Variants in PRPF18 observed in about 807,000 individuals in gnomAD.
PRPF18 encodes pre-mRNA processing factor 18.
A neutral mutation model predicts 46.5 loss-of-function variants in PRPF18; 38 were observed. That is an observed-to-expected ratio of 0.82 (90% CI 0.63 to 1.07). The LOEUF is 1.07. PRPF18 is among the 50% of genes least tolerant of loss of function. The pLI, the probability that PRPF18 is intolerant of heterozygous loss-of-function variation, is 0.00. For missense variants in PRPF18, 263 were observed against 410.0 expected, an observed-to-expected ratio of 0.64 and a Z score of 3.10; for synonymous variants, 152 against 146.7, an observed-to-expected ratio of 1.04 and a Z score of -0.26.
chr10:13,639,214 A>G, the PRPF18 span: 1 of 152,238 alleles, frequency 6.6e-6, no homozygotes, highest in African/African-American at 2.4e-5. Context: ...AAGGACAACC[A>G]GGTACTGGAG....
At chr10:13,647,529 A>G in the PRPF18 span, 6 of 152,176 alleles carry the variant, frequency 3.9e-5, no homozygotes, top group Non-Finnish European at 8.8e-5. Flanking sequence ...AGATGTCACT[A>G]GGAAATTTTT....
At position 13,623,085 on chromosome 10, in the gene PRPF18, C is replaced by A. The variant is rs183669336; in HGVS notation, c.948+6532C>A. Among the ~76,000 whole-genome samples the A allele has an allele frequency of 6.6e-3, 1,001 of 152,168 alleles. 7 individuals are homozygous for A. Among genetic ancestry groups the A allele is most frequent in the African/African-American group, 0.023 (954 of 41,504 alleles). ...GCGTGGTGGCAGGCGCCTGTAGTCC[C>A]AGCTACTCGGGAGGCTGAGGCAGGA... On this transcript the variant is annotated intron_variant, in intron 9 of 9. Coordinates refer to ENST00000378572, the MANE Select transcript of PRPF18 (RefSeq NM_003675.4).
At chr10:13,617,754 TATTC>T (rs2080367194) in intron 9 of PRPF18, among the ~76,000 whole-genome samples, 1 of 152,204 alleles carries the variant, frequency 6.6e-6, no homozygotes, top group South Asian at 2.1e-4. Flanking sequence ...ACCTAGCATT[TATTC>T]AAGAATTCTG....
chr10:13,643,075 C>T, the PRPF18 span: 2 of 152,254 alleles, frequency 1.3e-5, no homozygotes, highest in African/African-American at 2.4e-5. Context: ...ACCATTTCAT[C>T]TGTAAGTCAG....
At chr10:13,601,102 C>A (rs1162805394) in intron 3 of PRPF18, among the ~76,000 whole-genome samples, 7 of 152,098 alleles carry the variant, frequency 4.6e-5, no homozygotes, top group African/African-American at 1.7e-4. Flanking sequence ...TTTAAAAAAT[C>A]ATTTATTGAT....
At chr10:13,634,680 G>T (rs2080620211), downstream of PRPF18, among the ~76,000 whole-genome samples, 1 of 152,218 alleles carries the variant, frequency 6.6e-6, no homozygotes, top group South Asian at 2.1e-4. Flanking sequence ...CTCAAAACAA[G>T]TGTATGGAGA....
At chr10:13,649,959 G>A in the PRPF18 span, among the ~76,000 whole-genome samples, 1 of 152,194 alleles carries the variant, frequency 6.6e-6, no homozygotes, top group Admixed American at 6.5e-5. Context: ...TGACCCAGAA[G>A]AGCAGCTTAG....
chr10:13,616,480 C>T lies in PRPF18; in HGVS notation c.875C>T (p.Thr292Ile). 6.2e-7 allele frequency: 1 copy of T among 1,614,052 alleles called. No individual in the cohort carries two copies. Among genetic ancestry groups the T allele is most frequent in the Non-Finnish European group, 8.5e-7 (1 of 1,179,910 alleles). Residue 292 changes from threonine (T) to isoleucine (I), a missense_variant, in exon 9 of 10, where the codon ACT becomes ATT. By Grantham distance (89) the Thr-to-Ile change is moderately conservative (BLOSUM62 -1). Coordinates refer to ENST00000378572, the MANE Select transcript of PRPF18 (RefSeq NM_003675.4). ...ACTATGGTTGGTATCCATGCCAGAA[C>T]TGGCAGAGAAAAGATTTTTTCCAAG... is the stretch of plus-strand genomic sequence containing the variant. ...GVTMVGIHAR[T>I]GREKIFSKHV...
At chr10:13,598,488 T>C (rs538129682) in intron 2 of PRPF18, among the ~76,000 whole-genome samples, 2 of 152,210 alleles carry the variant, frequency 1.3e-5, no homozygotes, top group South Asian at 4.1e-4. Flanking sequence ...GGTATGTATA[T>C]GCATTTGGTT....
At chr10:13,636,544 C>A in the PRPF18 span, among the ~76,000 whole-genome samples, 1 of 152,160 alleles carries the variant, frequency 6.6e-6, no homozygotes, top group African/African-American at 2.4e-5. Context: ...AAATTATTTC[C>A]TAAGACTCAG....
At chr10:13,612,960 A>C (rs192314639) in intron 6 of PRPF18, among the ~76,000 whole-genome samples, 53 of 152,330 alleles carry the variant, frequency 3.5e-4, no homozygotes, top group African/African-American at 1.3e-3. Context: ...TGTTCAGACC[A>C]AGAGATTTAC....
chr10:13,595,098 T>C (rs2080014713), intron 1 of PRPF18, among the ~76,000 whole-genome samples: 1 of 152,248 alleles, frequency 6.6e-6, no homozygotes, highest in Non-Finnish European at 1.5e-5. Flanking sequence ...TTGAAGGCCT[T>C]GCCTTTATTT....
At chr10:13,596,091 A>G (rs1202202760) in intron 1 of PRPF18, among the ~76,000 whole-genome samples, 2 of 152,200 alleles carry the variant, frequency 1.3e-5, no homozygotes, top group Admixed American at 6.5e-5. Flanking sequence ...ACGAAGTTCA[A>G]TCCTTGCATT....
intron 9 of PRPF18, among the ~76,000 whole-genome samples, chr10:13,625,642 T>G (rs1242363148): frequency 6.6e-6 from 1 of 152,066 alleles, no homozygotes; most frequent in Non-Finnish European, 1.5e-5. Flanking sequence ...ACAGCGCAAA[T>G]GAATAGGAAG....
chr10:13,596,009 G>A (rs2080030588), intron 1 of PRPF18, among the ~76,000 whole-genome samples: 1 of 152,060 alleles, frequency 6.6e-6, no homozygotes, highest in Non-Finnish European at 1.5e-5. Context: ...TCTCACATTC[G>A]TATATTTTCC....
chr10:13,623,188 G>T (rs2080445217), intron 9 of PRPF18, among the ~76,000 whole-genome samples: 1 of 151,856 alleles, frequency 6.6e-6, no homozygotes, highest in Non-Finnish European at 1.5e-5. Context: ...GTGACAGCGC[G>T]AGACTCCGTC....
chr10:13,640,518 T>G, the PRPF18 span: 1 of 152,244 alleles, frequency 6.6e-6, no homozygotes, highest in Non-Finnish European at 1.5e-5. Flanking sequence ...GCTGCGAGAT[T>G]AGGGGAAACT....
At chr10:13,647,572 T>G in the PRPF18 span, 3 of 152,130 alleles carry the variant, frequency 2.0e-5, no homozygotes, top group Admixed American at 2.0e-4. Flanking sequence ...AAAATGTGAG[T>G]TTTCCCTATA....
At chr10:13,600,002 CT>C (rs1375039800) in intron 2 of PRPF18, among the ~76,000 whole-genome samples, 7 of 152,188 alleles carry the variant, frequency 4.6e-5, no homozygotes, top group Admixed American at 4.6e-4. Flanking sequence ...AGTCGTGTCA[CT>C]CTTTTATAGC....
Sources: gnomAD v4.1 joint callset for allele counts (sites outside exome capture counted in the v4.1 genomes callset) on GRCh38, gnomAD v4.1.1 for gene constraint, MANE v1.5 for transcripts, NCBI Gene and HGNC (gene_info 2026-07-23, HGNC 2026-07-21) for gene names.